The following PRKN variants were observed in gnomAD, a reference collection of about 807,000 sequenced individuals.
PRKN encodes the protein E3 ubiquitin-protein ligase parkin.
In PRKN, 56 loss-of-function variants were observed where a neutral mutation model predicts 59.5. That is an observed-to-expected ratio of 0.94 (90% CI 0.76 to 1.18). PRKN has a LOEUF of 1.18. Among genes scored for constraint, PRKN ranks in the 50% most tolerant of loss-of-function variants. The pLI, the probability that PRKN is intolerant of heterozygous loss-of-function variation, is 0.00. For missense variants in PRKN, 657 were observed against 596.4 expected (o/e 1.10, Z -1.06); for synonymous variants, 250 against 222.1 (o/e 1.13, Z -1.12).
intron 1 of PRKN, among the ~76,000 whole-genome samples, chr6:162,604,944 C>A (rs1339951686): frequency 6.6e-6 from 1 of 152,046 alleles, no homozygotes; most frequent in Non-Finnish European, 1.5e-5. Flanking sequence ...AATAACCTGG[C>A]CTTTTACTTA....
At chr6:161,798,030 T>C (rs1023086484) in intron 6 of PRKN, among the ~76,000 whole-genome samples, 2 of 152,100 alleles carry the variant, frequency 1.3e-5, no homozygotes, top group Admixed American at 6.6e-5. Context: ...TGAAACCCTG[T>C]CTCTACTAAA....
chr6:162,436,598 C>T (rs1314813045), intron 2 of PRKN, among the ~76,000 whole-genome samples: 1 of 151,322 alleles, frequency 6.6e-6, no homozygotes, highest in East Asian at 2.0e-4. Flanking sequence ...GCATGAGCCA[C>T]TGTGCCCGAT....
chr6:162,488,024 TC>T (rs1186230213), intron 1 of PRKN, among the ~76,000 whole-genome samples: 2 of 131,004 alleles, frequency 1.5e-5, no homozygotes, highest in Non-Finnish European at 3.3e-5. Context: ...ATCCACCATT[TC>T]CCTTTTTTTT....
chr6:162,360,825 C>A (rs1037937797), intron 2 of PRKN, among the ~76,000 whole-genome samples: 2 of 152,092 alleles, frequency 1.3e-5, no homozygotes, highest in African/African-American at 4.8e-5. Flanking sequence ...TGGGTCTGCA[C>A]CTCTGATTGT....
intron 3 of PRKN, among the ~76,000 whole-genome samples, chr6:162,202,309 T>C (rs894891749): frequency 1.3e-5 from 2 of 152,136 alleles, no homozygotes; most frequent in African/African-American, 4.8e-5. Flanking sequence ...CTAAAGTCCT[T>C]TGCAGCTTCA....
chr6:161,645,486 C>G (rs1783891742), intron 7 of PRKN, among the ~76,000 whole-genome samples: 2 of 152,206 alleles, frequency 1.3e-5, no homozygotes, highest in African/African-American at 4.8e-5. Flanking sequence ...TTATAGCAAT[C>G]ATTTCAAAAC....
At chr6:162,165,237 AT>A (rs1782925446) in intron 4 of PRKN, among the ~76,000 whole-genome samples, 1 of 149,132 alleles carries the variant, frequency 6.7e-6, no homozygotes, top group Non-Finnish European at 1.5e-5. Context: ...GGAAAAAAAA[AT>A]AGGAGAATAT....
intron 7 of PRKN, among the ~76,000 whole-genome samples, chr6:161,605,049 TA>T (rs1782229006): frequency 6.6e-6 from 1 of 152,218 alleles, no homozygotes; most frequent in Non-Finnish European, 1.5e-5. Flanking sequence ...TAAATTAGAA[TA>T]AAATACAGAT....
intron 6 of PRKN, among the ~76,000 whole-genome samples, chr6:161,809,696 T>C (rs1434573076): frequency 6.6e-6 from 1 of 152,210 alleles, no homozygotes; most frequent in Non-Finnish European, 1.5e-5. Flanking sequence ...TTTCCTATAC[T>C]GATAATAAAT....
chr6:162,347,725 C>A lies in PRKN; in HGVS notation c.172-84960G>T, dbSNP rs115125705. Among the ~76,000 whole-genome samples the A allele has an allele frequency of 8.1e-3, 1,240 of 152,152 alleles. 19 individuals carry two copies. The highest frequency in any genetic ancestry group is 0.028 in the African/African-American group (1,182 of 41,496). ...CACTGAGACAAATAGATTTAGAAAT[C>A]TCCCATTACATTGCTGAAATGATCT... On this transcript the variant is annotated intron_variant, in intron 2 of 11. Transcript: ENST00000366898.
chr6:162,226,385 A>G (rs923627961), intron 3 of PRKN, among the ~76,000 whole-genome samples: 31 of 152,154 alleles, frequency 2.0e-4, no homozygotes, highest in Non-Finnish European at 3.2e-4. Flanking sequence ...TCCTCCTTCC[A>G]CAATGGCACT....
intron 3 of PRKN, among the ~76,000 whole-genome samples, chr6:162,203,217 T>C (rs1454478055): frequency 2.0e-5 from 3 of 152,206 alleles, no homozygotes; most frequent in Admixed American, 2.0e-4. Context: ...AAGGAACTTT[T>C]CCACCTCCGA....
At chr6:162,401,415 G>A (rs1279987263) in intron 2 of PRKN, among the ~76,000 whole-genome samples, 1 of 151,956 alleles carries the variant, frequency 6.6e-6, no homozygotes, top group Non-Finnish European at 1.5e-5. Context: ...TTTAACTATG[G>A]CATATCATAG....
At chr6:162,350,501 G>C (rs907263799) in intron 2 of PRKN, among the ~76,000 whole-genome samples, 2 of 152,142 alleles carry the variant, frequency 1.3e-5, no homozygotes, top group African/African-American at 4.8e-5. Context: ...CAATAGAACA[G>C]AAGACTCCAG....
intron 4 of PRKN, among the ~76,000 whole-genome samples, chr6:162,160,099 A>C (rs1782690101): frequency 6.6e-6 from 1 of 152,216 alleles, no homozygotes. Flanking sequence ...TGTTTAGGGA[A>C]TGCAAAGACA....
At chr6:161,829,614 A>G (rs1792395056) in intron 6 of PRKN, among the ~76,000 whole-genome samples, 1 of 152,086 alleles carries the variant, frequency 6.6e-6, no homozygotes, top group Admixed American at 6.6e-5. Flanking sequence ...ACGCTCAGGA[A>G]GCCACTCTCA....
chr6:162,074,668 T>G (rs1378167362), intron 4 of PRKN, among the ~76,000 whole-genome samples: 1 of 152,096 alleles, frequency 6.6e-6, no homozygotes, highest in Non-Finnish European at 1.5e-5. Flanking sequence ...TAATTCTCAT[T>G]AGTGTAAGTG....
At chr6:162,250,915 T>C (rs929543183) in intron 3 of PRKN, among the ~76,000 whole-genome samples, 2 of 152,178 alleles carry the variant, frequency 1.3e-5, no homozygotes, top group African/African-American at 2.4e-5. Flanking sequence ...TTTAGCAAAA[T>C]TATGACTTGT....
At chr6:161,640,240 C>T (rs1783689331) in intron 7 of PRKN, among the ~76,000 whole-genome samples, 1 of 152,118 alleles carries the variant, frequency 6.6e-6, no homozygotes, top group African/African-American at 2.4e-5. Context: ...TAGTTTTACT[C>T]CTAAAATCAG....
Sources: allele counts gnomAD v4.1 joint callset (sites outside exome capture counted in the v4.1 genomes callset), GRCh38; gene constraint gnomAD v4.1.1; transcripts MANE v1.5; gene names NCBI Gene and HGNC (gene_info 2026-07-23, HGNC 2026-07-21).